Variants in AKT2 observed in about 807,000 individuals in gnomAD.
AKT2 encodes the protein AKT serine/threonine kinase 2, also known as RAC-beta serine/threonine-protein kinase.
A neutral mutation model predicts 58.6 loss-of-function variants in AKT2; 16 were observed. The observed-to-expected ratio is 0.27, with a 90% CI of 0.18 to 0.41. The LOEUF (loss-of-function observed/expected upper bound fraction) is 0.41, where lower values mean the gene tolerates loss of function less well. Ranked by LOEUF, AKT2 falls within the 10% of genes least tolerant of loss-of-function variation. The pLI, the probability that AKT2 is intolerant of heterozygous loss-of-function variation, is 1.00. For synonymous variants in AKT2, 253 were observed against 254.0 expected (o/e 1.00, Z 0.04); for missense variants, 438 against 661.0 (o/e 0.66, Z 3.70).
At chr19:40,247,703 C>T (rs1974845466) in intron 4 of AKT2, among the ~76,000 whole-genome samples, 3 of 152,340 alleles carry the variant, frequency 2.0e-5, no homozygotes, top group Middle Eastern at 6.8e-3. Flanking sequence ...ACACCTTCCA[C>T]TTGCAGAGGC....
At chr19:40,270,949 G>A (rs1020834339) in intron 1 of AKT2, among the ~76,000 whole-genome samples, 5 of 151,760 alleles carry the variant, frequency 3.3e-5, no homozygotes, top group Non-Finnish European at 7.4e-5. Flanking sequence ...GGAGGTTGAG[G>A]CTGCAGTGAG....
intron 1 of AKT2, among the ~76,000 whole-genome samples, chr19:40,276,276 G>C (rs1036353258): frequency 7.1e-6 from 1 of 141,842 alleles, no homozygotes; most frequent in Non-Finnish European, 1.5e-5. Context: ...CTCAAATCCT[G>C]ACTCTACCAC....
At chr19:40,253,033 T>C (rs912007575) in intron 4 of AKT2, among the ~76,000 whole-genome samples, 1 of 152,198 alleles carries the variant, frequency 6.6e-6, no homozygotes, top group African/African-American at 2.4e-5. Flanking sequence ...CTCATGATAT[T>C]GTGGGTTCCT....
At position 40,242,463 on chromosome 19, in the gene AKT2, A is replaced by G. The variant is rs1974472073; in HGVS notation, c.441+71T>C. 1.7e-5 allele frequency: 27 copies of G among 1,601,510 alleles called. No homozygotes were observed. In the South Asian group the frequency reaches 2.6e-4, roughly 16 times the overall value. On this transcript the variant is annotated intron_variant, in intron 5 of 13. Coordinates refer to ENST00000392038, the MANE Select transcript of AKT2 (RefSeq NM_001626.6). The surrounding 1 kb of genome is among the most constrained non-coding windows in gnomAD (Gnocchi z 4.3). ...CCCCTGAACTGTGTTATGGAAACCA[A>G]GGAGAGCAGGCCAGCACTGGGGGTG... is the stretch of plus-strand genomic sequence containing the variant.
chr19:40,281,023 G>C (rs2077413945), intron 1 of AKT2, among the ~76,000 whole-genome samples: 1 of 152,228 alleles, frequency 6.6e-6, no homozygotes, highest in Non-Finnish European at 1.5e-5. Flanking sequence ...TCAGTAAATG[G>C]TGGCGGATGA....
rs893423826 is a variant in AKT2 at position 40,230,497 on chromosome 19, G to T, written c.*3375C>A. The T allele has an allele frequency of 8.8e-6, 2 of 226,404 alleles. No individual in the cohort carries two copies. The highest frequency in any genetic ancestry group is 1.3e-3 in the Middle Eastern group (1 of 744). 14.0% of individuals were successfully genotyped at this position (226,404 alleles called of 1,614,324 possible). A position where few individuals can be genotyped will look rare whatever the true frequency, so the allele number is the denominator to read the frequency against. On this transcript the variant is annotated 3_prime_UTR_variant, in exon 14 of 14. Transcript: ENST00000392038. ...AAAAGGGAATCGCACTGCCGCCCCCGACTCCACACAACCATCAGTGCACGA... is the reference window on the plus strand; with the variant it reads ...AAAAGGGAATCGCACTGCCGCCCCCTACTCCACACAACCATCAGTGCACGA...
intron 1 of AKT2, among the ~76,000 whole-genome samples, chr19:40,273,824 C>T (rs2077262137): frequency 6.6e-6 from 1 of 152,138 alleles, no homozygotes; most frequent in Non-Finnish European, 1.5e-5. Context: ...GCGGGATCCT[C>T]CACGCAGTTC....
chr19:40,281,753 G>A (rs1369830052), intron 1 of AKT2, among the ~76,000 whole-genome samples: 2 of 152,174 alleles, frequency 1.3e-5, no homozygotes, highest in East Asian at 1.9e-4. Flanking sequence ...TCAAAGTCCC[G>A]GCAGAAATAC....
At position 40,255,438 on chromosome 19, in the gene AKT2, A is replaced by AGT. The variant is rs3049071; in HGVS notation, c.176-171_176-170dup. The stretch of plus-strand genomic sequence containing the variant: ...CCTGTTCTCACAGGGCTCAGGGTCT[A>AGT]GTGTGTGTGTGTGTGGAAGGAGAGA... On this transcript the variant is annotated intron_variant, in intron 3 of 13. Transcript: ENST00000392038. 80,977 of 560,214 alleles carry AGT rather than the reference A, an allele frequency of 0.14. 5,629 individuals are homozygous for AGT. The highest frequency in any genetic ancestry group is 0.35 in the African/African-American group (17,986 of 52,042). 34.7% of individuals were successfully genotyped at this position (560,214 alleles called of 1,614,324 possible).
Position 40,242,351 on chromosome 19 carries a change from C to T in AKT2, c.441+183G>A. The T allele has an allele frequency of 9.7e-7, 1 of 1,034,048 alleles. No homozygotes were observed. The highest frequency in any genetic ancestry group is 1.4e-5 in the South Asian group (1 of 72,682). The allele number at this position is 1,034,048 out of a possible 1,614,324, so 64.1% of individuals were successfully genotyped here. ...CAGTGGGTCCACCCAAGGTTGCTCC[C>T]TCCCCTACGGGCATGGAGCACACCC... On this transcript the variant is annotated intron_variant, in intron 5 of 13. Coordinates refer to ENST00000392038, the MANE Select transcript of AKT2 (RefSeq NM_001626.6). The surrounding 1 kb of genome is among the most constrained non-coding windows in gnomAD (Gnocchi z 4.3).
At chr19:40,268,248 G>A (rs922409470) in intron 1 of AKT2, among the ~76,000 whole-genome samples, 16 of 152,176 alleles carry the variant, frequency 1.1e-4, no homozygotes, top group Non-Finnish European at 2.4e-4. Context: ...CTCCCCTCTC[G>A]CTGGCCCACA....
At chr19:40,274,456 C>T (rs919432108) in intron 1 of AKT2, 2 of 157,802 alleles carry the variant, frequency 1.3e-5, no homozygotes, top group Admixed American at 5.9e-5. Flanking sequence ...AACAGAACTC[C>T]CTGCCATTGG....
At chr19:40,284,404 C>T (rs541159740) in intron 1 of AKT2, among the ~76,000 whole-genome samples, 1 of 152,298 alleles carries the variant, frequency 6.6e-6, no homozygotes, top group South Asian at 2.1e-4. Context: ...GGTAAATAAT[C>T]TGAGAGGGTA....
intron 3 of AKT2, 74 bp downstream of exon 3, chr19:40,256,852 G>A (rs903546247): frequency 3.1e-6 from 5 of 1,605,838 alleles, no homozygotes; most frequent in Admixed American, 3.3e-5. Context: ...CAATGACCAA[G>A]TCCCACAAGC....
Position 40,242,583 on chromosome 19 carries a change from G to A in AKT2, c.392C>T (p.Ser131Phe), listed in dbSNP as rs1209358799. 5.6e-6 allele frequency: 9 copies of A among 1,613,940 alleles called. No homozygotes were observed. The South Asian group carries it at 9.9e-5, about 18-fold the overall frequency. The change falls in exon 5 of 14, where the codon TCC becomes TTC. Residue 131 changes from serine (S) to phenylalanine (F), a missense_variant. Physicochemically the swap from Ser to Phe is radical, Grantham distance 155. Around this residue, in one of 3 missense-constraint regions of AKT2, gnomAD observed 244 missense variants for 347.1 expected, o/e 0.70. Transcript: ENST00000392038. The surrounding 1 kb of genome is among the most constrained non-coding windows in gnomAD (Gnocchi z 4.3). ...DYKCGSPSDS[S>F]TTEEMEVAVS... ...CGCCACTTCCATCTCCTCAGTCGTG[G>A]AGGAGTCACTGGGGGAGCCACACTT...
At position 40,285,285 on chromosome 19, in the gene AKT2, CCGGCAGCGGCAGCGGCGG is replaced by C. The variant is rs1555780440; in HGVS notation, c.-207_-190del. On this transcript the variant is annotated 5_prime_UTR_variant, in exon 1 of 14. Transcript: ENST00000392038. Reference sequence around the variant, plus strand: ...GTGTTTCCCGGCAGCGGCAACGGCGCCGGCAGCGGCAGCGGCGGCGGCGACGCCTCCTCCGAGGCAGGC... The same window carrying C: ...GTGTTTCCCGGCAGCGGCAACGGCGCCGGCGACGCCTCCTCCGAGGCAGGC... 1 of 395,012 alleles carries C rather than the reference CCGGCAGCGGCAGCGGCGG, an allele frequency of 2.5e-6. No individual in the cohort carries two copies. The highest frequency in any genetic ancestry group is 2.1e-5 in the African/African-American group (1 of 48,268). 24.5% of individuals were successfully genotyped at this position (395,012 alleles called of 1,614,324 possible).
chr19:40,255,077 A>G, intron 4 of AKT2, 81 bp downstream of exon 4: 1 of 1,176,350 alleles, frequency 8.5e-7, no homozygotes, highest in South Asian at 1.2e-5. Flanking sequence ...GGTCCCAGGG[A>G]AAATCTCTCC....
intron 2 of AKT2, among the ~76,000 whole-genome samples, chr19:40,261,251 G>A (rs1260258174): frequency 1.3e-5 from 2 of 152,126 alleles, no homozygotes; most frequent in South Asian, 2.1e-4. Context: ...GGACGAGTTC[G>A]GCCAGGCGCA....
Position 40,256,898 on chromosome 19 carries a change from A to C in AKT2, c.175+28T>G, listed in dbSNP as rs1181597604. Reference sequence around the variant, plus strand: ...TGCCAGCCATCCTGTGAGCACCAGAACACTGACCCACTCATCCCAAGACAC... The same window carrying C: ...TGCCAGCCATCCTGTGAGCACCAGACCACTGACCCACTCATCCCAAGACAC... On this transcript the variant is annotated intron_variant, in intron 3 of 13. Coordinates refer to ENST00000392038, the MANE Select transcript of AKT2 (RefSeq NM_001626.6). The C allele has an allele frequency of 1.9e-6, 3 of 1,613,728 alleles. No individual in the cohort carries two copies. The East Asian group carries it at 6.7e-5, about 36-fold the overall frequency.
Sources: gnomAD v4.1 joint callset for allele counts (sites outside exome capture counted in the v4.1 genomes callset) on GRCh38, gnomAD v4.1.1 for gene constraint, gnomAD v4.1.1 regional missense constraint, Gnocchi (gnomAD v3.1) non-coding constraint, MANE v1.5 for transcripts, NCBI Gene and HGNC (gene_info 2026-07-23, HGNC 2026-07-21) for gene names.